The following ARL15 variants were observed in gnomAD, a reference collection of about 807,000 sequenced individuals.
The protein encoded by ARL15 is ARF like GTPase 15.
A neutral mutation model predicts 25.2 loss-of-function variants in ARL15; 19 were observed. That is an observed-to-expected ratio of 0.75 (90% CI 0.53 to 1.10). The LOEUF (loss-of-function observed/expected upper bound fraction) is 1.10, where lower values mean the gene tolerates loss of function less well. ARL15 is among the 50% of genes least tolerant of loss of function. The pLI is 0.00. For missense variants in ARL15, 220 were observed against 246.0 expected, an observed-to-expected ratio of 0.89 and a Z score of 0.71; for synonymous variants, 94 against 86.8, an observed-to-expected ratio of 1.08 and a Z score of -0.46.
At chr5:54,299,584 C>CTTTTTTTTTTT (rs752417066) in intron 1 of ARL15, among the ~76,000 whole-genome samples, 3 of 79,556 alleles carry the variant, frequency 3.8e-5, no homozygotes, top group African/African-American at 4.9e-5. Context: ...TAGCTATTAG[C>CTTTTTTTTTTT]TTTTTTTTTT....
chr5:54,010,578 T>A (rs1238899920), intron 4 of ARL15, among the ~76,000 whole-genome samples: 1 of 151,942 alleles, frequency 6.6e-6, no homozygotes, highest in Non-Finnish European at 1.5e-5. Flanking sequence ...AAATAAAAAA[T>A]AATAATAACC....
chr5:53,927,378 C>T (rs1018681952), intron 4 of ARL15, among the ~76,000 whole-genome samples: 1 of 152,178 alleles, frequency 6.6e-6, no homozygotes, highest in African/African-American at 2.4e-5. Context: ...CACAGACACA[C>T]GTGCACCACC....
intron 1 of ARL15, among the ~76,000 whole-genome samples, chr5:54,227,448 C>T (rs376947192): frequency 3.9e-5 from 6 of 152,288 alleles, no homozygotes; most frequent in East Asian, 1.9e-4. Context: ...TTACTATGAG[C>T]GGCTTTTTAT....
chr5:54,076,045 G>A (rs113638268), intron 4 of ARL15, among the ~76,000 whole-genome samples: 3 of 151,948 alleles, frequency 2.0e-5, no homozygotes, highest in African/African-American at 7.3e-5. Context: ...ACATACACAC[G>A]CACCACAGAG....
chr5:53,932,771 C>T (rs1746231165), intron 4 of ARL15, among the ~76,000 whole-genome samples: 2 of 152,122 alleles, frequency 1.3e-5, no homozygotes, highest in South Asian at 2.1e-4. Flanking sequence ...AAGTGGCTGG[C>T]AATAGCAAAG....
intron 4 of ARL15, among the ~76,000 whole-genome samples, chr5:54,070,191 G>T (rs1481401376): frequency 6.6e-6 from 1 of 150,450 alleles, no homozygotes; most frequent in Non-Finnish European, 1.5e-5. Context: ...AGGAGATCAA[G>T]ACCATCCTGG....
At chr5:53,900,674 A>T (rs1745038653) in intron 4 of ARL15, among the ~76,000 whole-genome samples, 1 of 152,182 alleles carries the variant, frequency 6.6e-6, no homozygotes, top group South Asian at 2.1e-4. Context: ...TATGTACTAT[A>T]TTTCATTCCA....
At chr5:53,921,474 C>A (rs1745859584) in intron 4 of ARL15, among the ~76,000 whole-genome samples, 1 of 152,164 alleles carries the variant, frequency 6.6e-6, no homozygotes, top group African/African-American at 2.4e-5. Context: ...TTAACATGAA[C>A]TAATTTTTGC....
chr5:54,071,782 T>C (rs908183174), intron 4 of ARL15, among the ~76,000 whole-genome samples: 16 of 151,830 alleles, frequency 1.1e-4, no homozygotes, highest in Admixed American at 2.0e-4. Context: ...CCATCCTGGC[T>C]AACACGGTGA....
intron 1 of ARL15, among the ~76,000 whole-genome samples, chr5:54,259,050 C>G (rs1344719994): frequency 6.6e-6 from 1 of 152,222 alleles, no homozygotes; most frequent in Non-Finnish European, 1.5e-5. Context: ...AAGCTATCCT[C>G]TTGGCTCTCA....
intron 4 of ARL15, among the ~76,000 whole-genome samples, chr5:53,934,211 G>A (rs1279833927): frequency 6.6e-6 from 1 of 152,110 alleles, no homozygotes; most frequent in Non-Finnish European, 1.5e-5. Context: ...AATATAATGA[G>A]ATAAACTGCT....
At chr5:54,104,860 GT>G (rs923207611) in intron 4 of ARL15, among the ~76,000 whole-genome samples, 35 of 151,990 alleles carry the variant, frequency 2.3e-4, no homozygotes, top group Non-Finnish European at 4.6e-4. Flanking sequence ...TTTTGTTTCT[GT>G]TTTTTCAGGG....
At chr5:54,163,066 A>G (rs1379494905) in intron 2 of ARL15, among the ~76,000 whole-genome samples, 1 of 152,122 alleles carries the variant, frequency 6.6e-6, no homozygotes, top group African/African-American at 2.4e-5. Flanking sequence ...CAGTTGAGGT[A>G]ATTCCTTTCT....
chr5:53,899,994 G>A (rs1745012804), intron 4 of ARL15, among the ~76,000 whole-genome samples: 1 of 152,172 alleles, frequency 6.6e-6, no homozygotes, highest in Non-Finnish European at 1.5e-5. Context: ...GAATGTTAAT[G>A]TTTGGTAGAA....
intron 4 of ARL15, among the ~76,000 whole-genome samples, chr5:54,104,747 C>A (rs1207092579): frequency 2.6e-5 from 4 of 151,968 alleles, no homozygotes; most frequent in Non-Finnish European, 4.4e-5. Flanking sequence ...TTTAAGAAGA[C>A]CTGTATTTGC....
intron 4 of ARL15, among the ~76,000 whole-genome samples, chr5:53,914,519 C>A (rs1357368559): frequency 6.6e-6 from 1 of 152,146 alleles, no homozygotes; most frequent in Non-Finnish European, 1.5e-5. Flanking sequence ...TGACTGCTCC[C>A]TCAACCCAAG....
chr5:54,129,710 GAA>G (rs1275683408), intron 3 of ARL15, among the ~76,000 whole-genome samples: 1 of 152,108 alleles, frequency 6.6e-6, no homozygotes. Context: ...ATGTAACAAG[GAA>G]AGTCTGATGA....
At chr5:54,111,685 A>G (rs982747438) in intron 4 of ARL15, among the ~76,000 whole-genome samples, 1 of 152,144 alleles carries the variant, frequency 6.6e-6, no homozygotes, top group Admixed American at 6.5e-5. Context: ...GTGTATATGT[A>G]TTATGTATAT....
Position 54,066,792 on chromosome 5 carries a change from C to T in ARL15, c.462+46410G>A, listed in dbSNP as rs187532244. ...AATTTCCTCCTCTACTTTCCACATTCGATAATGTTAAATTGTCTTACTATA... is the reference window on the plus strand; with the variant it reads ...AATTTCCTCCTCTACTTTCCACATTTGATAATGTTAAATTGTCTTACTATA... On this transcript the variant is annotated intron_variant, in intron 4 of 4. Transcript: ENST00000504924. Among the ~76,000 whole-genome samples, 51 of 151,712 alleles carry T rather than the reference C, an allele frequency of 3.4e-4. No individual in the cohort carries two copies. In the East Asian group the frequency reaches 7.8e-3, roughly 23 times the overall value.
Sources: allele counts gnomAD v4.1 joint callset (sites outside exome capture counted in the v4.1 genomes callset), GRCh38; gene constraint gnomAD v4.1.1; transcripts MANE v1.5; gene names NCBI Gene and HGNC (gene_info 2026-07-23, HGNC 2026-07-21).